Variants in RNF169 observed in about 807,000 individuals in gnomAD.
RNF169 encodes E3 ubiquitin-protein ligase RNF169.
Under a neutral mutation model 53.9 loss-of-function variants are expected in RNF169, and 24 were observed. That is an observed-to-expected ratio of 0.45 (90% CI 0.32 to 0.63). The LOEUF (loss-of-function observed/expected upper bound fraction) is 0.63, where lower values mean the gene tolerates loss of function less well. Ranked by LOEUF, RNF169 falls within the 20% of genes least tolerant of loss-of-function variation. The pLI, the probability that RNF169 is intolerant of heterozygous loss-of-function variation, is 0.04. For synonymous variants in RNF169, 396 were observed against 363.5 expected (o/e 1.09, Z -1.02); for missense variants, 883 against 906.2 (o/e 0.97, Z 0.33).
intron 2 of RNF169, among the ~76,000 whole-genome samples, chr11:74,800,991 T>C (rs1296189526): frequency 6.6e-6 from 1 of 152,202 alleles, no homozygotes; most frequent in Non-Finnish European, 1.5e-5. Context: ...AAAACCTGTA[T>C]TGAAGTAATT....
chr11:74,801,009 T>C (rs1244797464), intron 2 of RNF169, among the ~76,000 whole-genome samples: 1 of 152,256 alleles, frequency 6.6e-6, no homozygotes, highest in Non-Finnish European at 1.5e-5. Flanking sequence ...ATTTTAAATA[T>C]CTTATTACAT....
rs2035957301 is a variant in RNF169 at position 74,817,721 on chromosome 11, G to A, written c.842+7G>A. On this transcript the variant is annotated splice_region_variant and intron_variant, in intron 4 of 5. Transcript: ENST00000299563. ...CCTTAGCTTTCCTGGCAGGGTAAGA[G>A]ACTGATGCTGAATTCAGTCAGGGGT... 1 of 1,549,852 alleles carries A rather than the reference G, an allele frequency of 6.5e-7. No homozygotes were observed. Among genetic ancestry groups the A allele is most frequent in the Non-Finnish European group, 8.9e-7 (1 of 1,121,408 alleles).
chr11:74,748,915 C>G lies in RNF169; in HGVS notation c.35C>G (p.Ser12Cys). The change falls in exon 1 of 6, where the codon TCC becomes TGC. Residue 12 changes from serine (S) to cysteine (C), a missense_variant. Coordinates refer to ENST00000299563, the MANE Select transcript of RNF169 (RefSeq NM_001098638.2). ...GCAGGTCCGAGTACTCGGGCCTCTTCCGCGGCGGCAGCAGCCGCTCTGAGT... is the reference window on the plus strand; with the variant it reads ...GCAGGTCCGAGTACTCGGGCCTCTTGCGCGGCGGCAGCAGCCGCTCTGAGT... ...AAAGPSTRAS[S>C]AAAAAALSRR... The G allele has an allele frequency of 6.9e-7, 1 of 1,450,824 alleles. No individual in the cohort carries two copies. The highest frequency in any genetic ancestry group is 9.2e-7 in the Non-Finnish European group (1 of 1,092,288). The allele number at this position is 1,450,824 out of a possible 1,614,324, so 89.9% of individuals were successfully genotyped here.
chr11:74,759,197 A>G (rs1157861045), intron 1 of RNF169, among the ~76,000 whole-genome samples: 4 of 114,972 alleles, frequency 3.5e-5, no homozygotes, highest in Admixed American at 1.0e-4. Flanking sequence ...TATCAGCTTA[A>G]GGAGATTTTG....
In RNF169 at chr11:74,836,316, C is replaced by T. The variant is rs779206595; in HGVS notation, c.1713C>T (p.Thr571=). The T allele has an allele frequency of 6.2e-7, 1 of 1,614,166 alleles. No homozygotes were observed. The highest frequency in any genetic ancestry group is 8.5e-7 in the Non-Finnish European group (1 of 1,180,034). Residue 571 remains threonine, a synonymous_variant, in exon 6 of 6, where the codon ACC becomes ACT. Transcript: ENST00000299563. The part of the protein sequence containing the change: ...KTCISRAMKI[T]TVNSVLPQNS... ...GTATAAGCAGAGCCATGAAAATCAC[C>T]ACAGTTAATTCAGTGCTACCCCAAA... is the stretch of plus-strand genomic sequence containing the variant.
chr11:74,758,594 C>T (rs867546424), intron 1 of RNF169, among the ~76,000 whole-genome samples: 3,221 of 151,734 alleles, frequency 0.021, 104 homozygotes, highest in African/African-American at 0.074. Flanking sequence ...CTCCGCCTCC[C>T]GGTTTCACGC....
At chr11:74,807,411 G>A (rs1016380235) in intron 2 of RNF169, among the ~76,000 whole-genome samples, 2 of 151,622 alleles carry the variant, frequency 1.3e-5, no homozygotes, top group African/African-American at 4.8e-5. Context: ...TGTCTTTTTT[G>A]GTTATGCTGC....
intron 1 of RNF169, among the ~76,000 whole-genome samples, chr11:74,768,998 C>T (rs766364415): frequency 9.2e-5 from 14 of 152,024 alleles, no homozygotes; most frequent in Non-Finnish European, 1.8e-4. Context: ...AGTGAGTGCT[C>T]TAGCCTGGGT....
At chr11:74,761,266 A>G (rs1456406518) in intron 1 of RNF169, among the ~76,000 whole-genome samples, 2 of 146,576 alleles carry the variant, frequency 1.4e-5, no homozygotes, top group African/African-American at 5.1e-5. Context: ...TCTTTATCCA[A>G]CTTGCCAGTC....
intron 1 of RNF169, among the ~76,000 whole-genome samples, chr11:74,766,093 A>G (rs2035170297): frequency 1.3e-5 from 2 of 152,166 alleles, no homozygotes; most frequent in South Asian, 4.1e-4. Flanking sequence ...ATTTAAAAAA[A>G]CCTATAAATA....
chr11:74,772,568 G>T (rs953581543), intron 1 of RNF169, among the ~76,000 whole-genome samples: 2 of 149,722 alleles, frequency 1.3e-5, no homozygotes, highest in African/African-American at 4.9e-5. Flanking sequence ...ATAGCCAACT[G>T]CCTGGTTTAA....
At chr11:74,751,816 A>G (rs560841307) in intron 1 of RNF169, among the ~76,000 whole-genome samples, 1 of 152,354 alleles carries the variant, frequency 6.6e-6, no homozygotes, top group East Asian at 1.9e-4. Flanking sequence ...CTTAGGAAGT[A>G]TCTCTTAGCT....
At chr11:74,826,490 A>C (rs1335460668) in intron 4 of RNF169, among the ~76,000 whole-genome samples, 1 of 149,352 alleles carries the variant, frequency 6.7e-6, no homozygotes, top group Non-Finnish European at 1.5e-5. Context: ...GGGTGGGAAC[A>C]CAAAGCCTAA....
At chr11:74,757,209 CATT>C (rs2135306024) in intron 1 of RNF169, among the ~76,000 whole-genome samples, 1 of 126,838 alleles carries the variant, frequency 7.9e-6, no homozygotes, top group South Asian at 3.0e-4. Flanking sequence ...CATGTGATCT[CATT>C]GTTCAATTCC....
At chr11:74,810,088 A>G (rs2035854643) in intron 2 of RNF169, 96 bp from the exon 3 acceptor site, 2 of 1,072,130 alleles carry the variant, frequency 1.9e-6, no homozygotes, top group African/African-American at 1.6e-5. Context: ...CAAAACTGCC[A>G]TGTGATCTGT....
chr11:74,760,049 G>A (rs2035055840), intron 1 of RNF169, among the ~76,000 whole-genome samples: 1 of 151,466 alleles, frequency 6.6e-6, no homozygotes, highest in Admixed American at 6.5e-5. Context: ...GAGAGTGTAT[G>A]TGTCGAGGAA....
chr11:74,778,789 G>A (rs1167326145), intron 1 of RNF169, among the ~76,000 whole-genome samples: 1 of 152,194 alleles, frequency 6.6e-6, no homozygotes, highest in Non-Finnish European at 1.5e-5. Context: ...GGGCTCAGGT[G>A]TTCCTCATAG....
chr11:74,810,420 T>G, intron 3 of RNF169, 90 bp downstream of exon 3: 1 of 1,174,122 alleles, frequency 8.5e-7, no homozygotes, highest in Non-Finnish European at 1.3e-6. Context: ...TGTTGGTAAA[T>G]TGTGAGACCA....
At position 74,823,855 on chromosome 11, in the gene RNF169, T is replaced by C. The variant is rs140625524; in HGVS notation, c.842+6141T>C. Among the ~76,000 whole-genome samples the C allele has an allele frequency of 2.6e-5, 4 of 151,588 alleles. No homozygotes were observed. The East Asian group carries it at 7.7e-4, about 29-fold the overall frequency. ...GAACAGAGAATTCATTGGCCACATA[T>C]GACAAAAAATAGACTTTATAAAATC... On this transcript the variant is annotated intron_variant, in intron 4 of 5. Transcript: ENST00000299563.
Sources: allele counts gnomAD v4.1 joint callset (sites outside exome capture counted in the v4.1 genomes callset), GRCh38; gene constraint gnomAD v4.1.1; transcripts MANE v1.5; gene names NCBI Gene and HGNC (gene_info 2026-07-23, HGNC 2026-07-21).